The following CCDC192 variants were observed in gnomAD, a reference collection of about 807,000 sequenced individuals.
The protein encoded by CCDC192 is coiled-coil domain-containing protein 192.
At chr5:127,717,928 C>CAAAAAAAAAAAAAA in intron 2 of CCDC192, among the ~76,000 whole-genome samples, 32 of 98,050 alleles carry the variant, frequency 3.3e-4, no homozygotes, top group East Asian at 5.9e-4. Flanking sequence ...TAAAGCTAGA[C>CAAAAAAAAAAAAAA]AAAAAAAAAA....
chr5:127,717,677 A>G (rs1751701236), intron 2 of CCDC192, among the ~76,000 whole-genome samples: 1 of 151,944 alleles, frequency 6.6e-6, no homozygotes, highest in South Asian at 2.1e-4. Context: ...TCTCCAGGGA[A>G]CTCTCTGGAT....
chr5:127,727,021 G>A (rs1752365446), intron 2 of CCDC192, among the ~76,000 whole-genome samples: 1 of 152,184 alleles, frequency 6.6e-6, no homozygotes, highest in Non-Finnish European at 1.5e-5. Context: ...TGCCCCTCTG[G>A]GACAGAGCTC....
At chr5:127,847,081 T>C (rs534121344) in intron 5 of CCDC192, among the ~76,000 whole-genome samples, 1 of 152,304 alleles carries the variant, frequency 6.6e-6, no homozygotes, top group Non-Finnish European at 1.5e-5. Context: ...GACTCATGAT[T>C]TTCTACAGAA....
intron 2 of CCDC192, among the ~76,000 whole-genome samples, chr5:127,723,829 AG>A (rs1256551493): frequency 6.6e-6 from 1 of 152,234 alleles, no homozygotes; most frequent in Non-Finnish European, 1.5e-5. Flanking sequence ...TTATTTTGAT[AG>A]TTTTGTTAAA....
chr5:127,880,351 A>G (rs1752296330), intron 6 of CCDC192, among the ~76,000 whole-genome samples: 1 of 151,278 alleles, frequency 6.6e-6, no homozygotes, highest in Non-Finnish European at 1.5e-5. Flanking sequence ...CTATCCCAAG[A>G]ACAAAAAACC....
At position 127,741,252 on chromosome 5, in the gene CCDC192, G is replaced by A. The variant is rs116037987; in HGVS notation, c.115-13016G>A. The stretch of plus-strand genomic sequence containing the variant: ...ATTATTTTTATTTTTTTGCAGAGAC[G>A]AGGTCTCACCATGTTGCACAGGCTG... On this transcript the variant is annotated intron_variant, in intron 2 of 6. Coordinates refer to ENST00000514853, the MANE Select transcript of CCDC192 (RefSeq NM_001317938.2). Among the ~76,000 whole-genome samples, 841 of 152,042 alleles carry A rather than the reference G, an allele frequency of 5.5e-3. 5 individuals are homozygous for A. Among genetic ancestry groups the A allele is most frequent in the Admixed American group, 6.4e-3 (98 of 15,250 alleles).
intron 5 of CCDC192, among the ~76,000 whole-genome samples, chr5:127,810,087 G>A (rs143887095): frequency 6.6e-6 from 1 of 152,302 alleles, no homozygotes; most frequent in East Asian, 1.9e-4. Context: ...AGGTATTGTG[G>A]TGGTTGTTTC....
intron 2 of CCDC192, among the ~76,000 whole-genome samples, chr5:127,728,459 A>C (rs937619359): frequency 2.6e-5 from 4 of 152,324 alleles, no homozygotes; most frequent in Middle Eastern, 3.4e-3. Flanking sequence ...CTTCATAAGC[A>C]AAGAGGAAAT....
intron 5 of CCDC192, among the ~76,000 whole-genome samples, chr5:127,813,576 G>A (rs1758199441): frequency 6.6e-6 from 1 of 151,962 alleles, no homozygotes; most frequent in South Asian, 2.1e-4. Context: ...AATCCCACTG[G>A]GAGACTACAG....
chr5:127,757,767 TACACACAC>T (rs60177261), intron 3 of CCDC192, among the ~76,000 whole-genome samples: 20 of 129,602 alleles, frequency 1.5e-4, no homozygotes, highest in African/African-American at 5.0e-4. Flanking sequence ...AGACAAGGAT[TACACACAC>T]ACACACACAC....
chr5:127,713,979 C>A (rs248733), intron 2 of CCDC192, among the ~76,000 whole-genome samples: 2 of 151,952 alleles, frequency 1.3e-5, no homozygotes, highest in Non-Finnish European at 2.9e-5. Flanking sequence ...TGTATTTATC[C>A]CCCTATACCA....
chr5:127,844,907 C>T (rs140634418), intron 5 of CCDC192, among the ~76,000 whole-genome samples: 39 of 152,308 alleles, frequency 2.6e-4, no homozygotes, highest in Non-Finnish European at 4.6e-4. Context: ...CCTTGTGCCA[C>T]CATTTCAGCG....
intron 2 of CCDC192, among the ~76,000 whole-genome samples, chr5:127,721,773 A>T (rs886781345): frequency 3.3e-5 from 5 of 152,214 alleles, no homozygotes; most frequent in Non-Finnish European, 7.4e-5. Flanking sequence ...TGGAGGCCTC[A>T]GGAAACTTGC....
At chr5:127,912,442 G>GAAAAAAAAAAA (rs1554085385) in intron 6 of CCDC192, among the ~76,000 whole-genome samples, 20 of 53,824 alleles carry the variant, frequency 3.7e-4, no homozygotes, top group African/African-American at 5.3e-4. Context: ...AAAAAAAAAT[G>GAAAAAAAAAAA]AAGCTGTACT....
At chr5:127,837,744 C>T (rs1334872420) in intron 5 of CCDC192, among the ~76,000 whole-genome samples, 2 of 152,188 alleles carry the variant, frequency 1.3e-5, no homozygotes, top group African/African-American at 4.8e-5. Flanking sequence ...AATCCCAGCA[C>T]TTTGGGAGGT....
chr5:127,902,964 C>A (rs887174174), intron 6 of CCDC192, among the ~76,000 whole-genome samples: 11 of 151,926 alleles, frequency 7.2e-5, no homozygotes, highest in African/African-American at 2.7e-4. Context: ...CTCGCTTAAA[C>A]AAAAAAGGGA....
intron 6 of CCDC192, among the ~76,000 whole-genome samples, chr5:127,898,210 G>T (rs562370670): frequency 6.6e-6 from 1 of 152,076 alleles, no homozygotes; most frequent in Non-Finnish European, 1.5e-5. Flanking sequence ...CTGGGTTCAA[G>T]TGATTCTCCT....
At chr5:127,786,297 G>T in intron 3 of CCDC192, 1 of 622,924 alleles carries the variant, frequency 1.6e-6, no homozygotes, top group South Asian at 1.9e-5. Context: ...TCTGCTGCAA[G>T]AATTCAGTAC....
intron 2 of CCDC192, among the ~76,000 whole-genome samples, chr5:127,725,660 C>A (rs1026509369): frequency 1.1e-4 from 17 of 152,092 alleles, no homozygotes; most frequent in African/African-American, 4.1e-4. Context: ...TTAGTGGCTA[C>A]CCTATGGGAC....
Sources: allele counts gnomAD v4.1 joint callset (sites outside exome capture counted in the v4.1 genomes callset), GRCh38; gene constraint gnomAD v4.1.1; transcripts MANE v1.5; gene names NCBI Gene and HGNC (gene_info 2026-07-23, HGNC 2026-07-21).